The following STYXL1 variants were observed in gnomAD, a reference collection of about 807,000 sequenced individuals.
STYXL1 encodes serine/threonine/tyrosine interacting like 1.
Under a neutral mutation model 36.4 loss-of-function variants are expected in STYXL1, and 32 were observed. That is an observed-to-expected ratio of 0.88 (90% CI 0.66 to 1.18). STYXL1 has a LOEUF of 1.18. Ranked by LOEUF, STYXL1 falls within the 50% of genes most tolerant of loss-of-function variation. The probability of loss-of-function intolerance (pLI) is 0.00; values close to 1 mark genes in which losing one functional copy is unlikely to be tolerated. For missense variants in STYXL1, 354 were observed against 394.1 expected (o/e 0.90, Z 0.86); for synonymous variants, 133 against 144.1 (o/e 0.92, Z 0.55).
At chr7:76,042,135 G>C (rs1341509258) in intron 1 of STYXL1, among the ~76,000 whole-genome samples, 1 of 152,192 alleles carries the variant, frequency 6.6e-6, no homozygotes, top group Admixed American at 6.5e-5. Context: ...GGTCTGGGCT[G>C]TAGAAAACTA....
At chr7:76,035,776 A>C (rs984713916) in intron 1 of STYXL1, among the ~76,000 whole-genome samples, 3 of 149,484 alleles carry the variant, frequency 2.0e-5, no homozygotes, top group Non-Finnish European at 4.5e-5. Flanking sequence ...GCTACTACCT[A>C]CTTTCCCCCA....
chr7:76,043,711 ACC>A (rs1434584171), intron 1 of STYXL1, among the ~76,000 whole-genome samples: 1 of 151,914 alleles, frequency 6.6e-6, no homozygotes, highest in African/African-American at 2.4e-5. Flanking sequence ...CTCTCTTATA[ACC>A]CCCTCCACCA....
intron 4 of STYXL1, among the ~76,000 whole-genome samples, chr7:76,020,493 G>A (rs1226775353): frequency 6.6e-6 from 1 of 152,154 alleles, no homozygotes; most frequent in Non-Finnish European, 1.5e-5. Flanking sequence ...ACGCTTTAAT[G>A]TTCTGACTTG....
At position 76,046,277 on chromosome 7, in the gene STYXL1, TGTGTG is replaced by T. The variant is rs1796961892; in HGVS notation, c.-5+1380_-5+1384del. On this transcript the variant is annotated intron_variant, in intron 1 of 8. Coordinates refer to ENST00000359697, the MANE Select transcript of STYXL1 (RefSeq NM_001317785.2). ...CCAGCATGTCTCAGCTTATCTGCTG[TGTGTG>T]TGTGTGTGTGTGTGTGTGTGTGTGT... is the stretch of plus-strand genomic sequence containing the variant. Among the ~76,000 whole-genome samples, 37 of 17,954 alleles carry T rather than the reference TGTGTG, an allele frequency of 2.1e-3. 1 individual carries two copies. The highest frequency in any genetic ancestry group is 4.8e-3 in the East Asian group (3 of 626). 11.8% of individuals were successfully genotyped at this position (17,954 alleles called of 152,430 possible).
At chr7:76,020,728 C>T (rs979125812) in intron 4 of STYXL1, among the ~76,000 whole-genome samples, 39 of 152,110 alleles carry the variant, frequency 2.6e-4, no homozygotes, top group South Asian at 2.1e-4. Flanking sequence ...CCAGGCTGGT[C>T]TTGAACTCCT....
chr7:76,013,646 C>G lies in STYXL1; in HGVS notation c.453+96G>C, dbSNP rs1792884040. The G allele has an allele frequency of 1.9e-6, 3 of 1,553,508 alleles. No homozygotes were observed. In the African/African-American group the frequency reaches 4.1e-5, roughly 21 times the overall value. On this transcript the variant is annotated intron_variant, in intron 5 of 8. Coordinates refer to ENST00000359697, the MANE Select transcript of STYXL1 (RefSeq NM_001317785.2). ...CCTCCACTTTCTCTATATCCTCTGT[C>G]CCATCCTCCTGTTTCTCCCACTCAG...
chr7:76,026,102 T>G (rs1314065011), intron 3 of STYXL1, among the ~76,000 whole-genome samples: 1 of 136,978 alleles, frequency 7.3e-6, no homozygotes, highest in Non-Finnish European at 1.5e-5. Flanking sequence ...TGAGGCAGGA[T>G]AATGGCGTTA....
intron 4 of STYXL1, among the ~76,000 whole-genome samples, chr7:76,021,080 ATTT>A (rs200072611): frequency 6.9e-6 from 1 of 144,898 alleles, no homozygotes; most frequent in Non-Finnish European, 1.5e-5. Context: ...TGTTACAAGA[ATTT>A]TTTTTTTTTT....
intron 1 of STYXL1, among the ~76,000 whole-genome samples, chr7:76,031,345 A>C (rs1216808865): frequency 4.0e-5 from 6 of 149,050 alleles, no homozygotes; most frequent in Non-Finnish European, 8.9e-5. Flanking sequence ...AAAAAAAAAA[A>C]AAAAAAAAAA....
At chr7:76,000,397 G>A (rs1790741684) in intron 8 of STYXL1, 3 of 456,602 alleles carry the variant, frequency 6.6e-6, no homozygotes, top group Non-Finnish European at 1.3e-5. Context: ...AGCCCTCTGG[G>A]GATCACGAAC....
At chr7:76,021,507 G>A (rs1274081068) in intron 4 of STYXL1, among the ~76,000 whole-genome samples, 1 of 152,060 alleles carries the variant, frequency 6.6e-6, no homozygotes, top group African/African-American at 2.4e-5. Context: ...CTGGTCTGAC[G>A]GGCCCCACAG....
chr7:76,038,538 GCCTCAGCCT>G, intron 1 of STYXL1, among the ~76,000 whole-genome samples: 1 of 147,302 alleles, frequency 6.8e-6, no homozygotes, highest in East Asian at 2.1e-4. Context: ...CCATTCTCCT[GCCTCAGCCT>G]CCTGAGTAGC....
intron 1 of STYXL1, among the ~76,000 whole-genome samples, chr7:76,047,323 TTC>T (rs1797259073): frequency 6.6e-6 from 1 of 152,210 alleles, no homozygotes; most frequent in South Asian, 2.1e-4. Context: ...CTACTCGACT[TTC>T]TGTCTGCGTA....
chr7:76,004,401 A>G (rs1403729045), intron 6 of STYXL1, among the ~76,000 whole-genome samples: 7 of 151,226 alleles, frequency 4.6e-5, no homozygotes, highest in African/African-American at 1.7e-4. Flanking sequence ...AGCCAAAAAA[A>G]TTTTTTTAAG....
chr7:76,040,930 C>T (rs1796423196), intron 1 of STYXL1, among the ~76,000 whole-genome samples: 1 of 151,966 alleles, frequency 6.6e-6, no homozygotes, highest in Admixed American at 6.6e-5. Flanking sequence ...CCCCAACTTC[C>T]AATATCCTAG....
intron 6 of STYXL1, among the ~76,000 whole-genome samples, chr7:76,005,034 G>C (rs1407720077): frequency 6.6e-6 from 1 of 152,022 alleles, no homozygotes; most frequent in Non-Finnish European, 1.5e-5. Context: ...AAACTAAAGG[G>C]AAGGGATAGC....
intron 7 of STYXL1, among the ~76,000 whole-genome samples, chr7:76,001,792 ATT>A (rs71082373): frequency 1.1e-3 from 108 of 96,920 alleles, no homozygotes; most frequent in African/African-American, 4.1e-3. Context: ...ACTGCGCCTG[ATT>A]TTTTTTTTTT....
chr7:76,005,252 T>C lies in STYXL1; in HGVS notation c.599+7A>G, dbSNP rs373756095. ...GAAATATAAATCAGTAGTTTCTCTT[T>C]ACTTACAAGGGCCCTGTATCCATGG... On this transcript the variant is annotated splice_region_variant and intron_variant, in intron 6 of 8. Transcript: ENST00000359697. 6.1e-5 allele frequency: 85 copies of C among 1,396,348 alleles called. No homozygotes were observed. Among genetic ancestry groups the C allele is most frequent in the Admixed American group, 4.5e-5 (2 of 44,848 alleles). The allele number at this position is 1,396,348 out of a possible 1,614,324, so 86.5% of individuals were successfully genotyped here. A position where few individuals can be genotyped will look rare whatever the true frequency, so the allele number is the denominator to read the frequency against.
At chr7:76,032,875 G>T (rs1226881183) in intron 1 of STYXL1, among the ~76,000 whole-genome samples, 3 of 152,104 alleles carry the variant, frequency 2.0e-5, no homozygotes, top group African/African-American at 7.2e-5. Flanking sequence ...CGAAACAAAG[G>T]ATAAGAACAT....
Sources: gnomAD v4.1 joint callset for allele counts (sites outside exome capture counted in the v4.1 genomes callset) on GRCh38, gnomAD v4.1.1 for gene constraint, MANE v1.5 for transcripts, NCBI Gene and HGNC (gene_info 2026-07-23, HGNC 2026-07-21) for gene names.